The following ZPBP2 variants were observed in gnomAD, a reference collection of about 807,000 sequenced individuals.
ZPBP2 encodes the protein zona pellucida-binding protein 2.
Under a neutral mutation model 37.5 loss-of-function variants are expected in ZPBP2, and 34 were observed. The ratio of observed to expected loss-of-function variants is 0.91; its 90% CI spans 0.69 to 1.21. The LOEUF is 1.21. Ranked by LOEUF, ZPBP2 falls within the 50% of genes most tolerant of loss-of-function variation. The pLI, the probability that ZPBP2 is intolerant of heterozygous loss-of-function variation, is 0.00. For missense variants in ZPBP2, 397 were observed against 413.5 expected (o/e 0.96, Z 0.35); for synonymous variants, 143 against 138.4 (o/e 1.03, Z -0.23).
chr17:39,877,332 C>T lies in ZPBP2; in HGVS notation c.*523C>T, dbSNP rs1169111075. On this transcript the variant is annotated 3_prime_UTR_variant, in exon 8 of 8. Transcript: ENST00000348931. ...AATAGAGCAGATAATATATAGAGTTCCATACACCCACTGCACCCCATACCC... is the reference window on the plus strand; with the variant it reads ...AATAGAGCAGATAATATATAGAGTTTCATACACCCACTGCACCCCATACCC... 1.3e-5 allele frequency: 2 copies of T among 152,314 alleles called. No homozygotes were observed. Among genetic ancestry groups the T allele is most frequent in the African/African-American group, 2.4e-5 (1 of 41,398 alleles). The allele number at this position is 152,314 out of a possible 1,614,324, so 9.4% of individuals were successfully genotyped here. A position where few individuals can be genotyped will look rare whatever the true frequency, so the allele number is the denominator to read the frequency against.
rs1400494917 is a variant in ZPBP2 at position 39,873,107 on chromosome 17, C to T, written c.689C>T (p.Thr230Ile). The T allele has an allele frequency of 6.2e-7, 1 of 1,610,464 alleles. No homozygotes were observed. The highest frequency in any genetic ancestry group is 1.1e-5 in the South Asian group (1 of 90,196). The part of the protein sequence containing the change: ...CNGSVDCEDT[T>I]NHNILQARDR... ...GGATCTGTTGACTGTGAAGATACCA[C>T]TAATCATAATATCCTCCAGGTGAGA... The change falls in exon 6 of 8, where the codon ACT becomes ATT. Residue 230 changes from threonine to isoleucine, a missense_variant. Transcript: ENST00000348931.
In ZPBP2 at chr17:39,875,311, T is replaced by A. The variant is rs138757022; in HGVS notation, c.766T>A (p.Phe256Ile). ...CCAAGCATATATTTTCTACCATAAC[T>A]TTAATAAAACTCTACCAGCAATGCA... ...RSQAYIFYHN[F>I]NKTLPAMHFV... is the part of the protein sequence containing the mutation. Residue 256 changes from phenylalanine (F) to isoleucine (I), a missense_variant, in exon 7 of 8, where the codon TTT becomes ATT. Coordinates refer to ENST00000348931, the MANE Select transcript of ZPBP2 (RefSeq NM_199321.3). 5.3e-5 allele frequency: 86 copies of A among 1,614,046 alleles called. 1 individual carries two copies. In the African/African-American group the frequency reaches 1.1e-3, roughly 20 times the overall value.
intron 7 of ZPBP2, among the ~76,000 whole-genome samples, chr17:39,875,883 C>CTTTTTT (rs34192567): frequency 2.8e-4 from 18 of 63,778 alleles, no homozygotes; most frequent in Non-Finnish European, 4.7e-4. Context: ...TGCTTGGCCC[C>CTTTTTT]TTTTTTTTTT....
chr17:39,868,280 G>C lies in ZPBP2; in HGVS notation c.-75G>C. 1 of 1,537,512 alleles carries C rather than the reference G, an allele frequency of 6.5e-7. No homozygotes were observed. Among genetic ancestry groups the C allele is most frequent in the Non-Finnish European group, 8.9e-7 (1 of 1,129,310 alleles). On this transcript the variant is annotated 5_prime_UTR_variant, in exon 1 of 8. Coordinates refer to ENST00000348931, the MANE Select transcript of ZPBP2 (RefSeq NM_199321.3). ...TCTGCTCCGCACTGTGGAGGAGGTGGGGAGGTGTTGGGCCAGGGCTGAGGT... is the reference window on the plus strand; with the variant it reads ...TCTGCTCCGCACTGTGGAGGAGGTGCGGAGGTGTTGGGCCAGGGCTGAGGT...
rs550561075 is a variant in ZPBP2, at chr17:39,869,553, C to T, written c.118+939C>T. ...CCTAGTGGCTGGGATTACAGGCGTG[C>T]GCCACCACGCCTGGCTAATTTCTGT... On this transcript the variant is annotated intron_variant, in intron 2 of 7. Coordinates refer to ENST00000348931, the MANE Select transcript of ZPBP2 (RefSeq NM_199321.3). 3.0e-4 allele frequency among the ~76,000 whole-genome samples: 45 copies of T among 149,286 alleles called. No individual in the cohort carries two copies. In the South Asian group the frequency reaches 5.7e-3, roughly 19 times the overall value.
At chr17:39,873,981 CTTT>C (rs1037217858) in intron 6 of ZPBP2, among the ~76,000 whole-genome samples, 2 of 117,340 alleles carry the variant, frequency 1.7e-5, no homozygotes, top group Admixed American at 8.7e-5. Context: ...AAAGAAAAGT[CTTT>C]TTTTTTTTTT....
At chr17:39,875,151 T>C (rs1440930416) in intron 6 of ZPBP2, 103 bp from the exon 7 acceptor site, 1 of 1,061,720 alleles carries the variant, frequency 9.4e-7, no homozygotes, top group Admixed American at 2.5e-5. Context: ...TTATCTACGT[T>C]AAGTATGGCA....
Position 39,870,699 on chromosome 17 carries a change from A to G in ZPBP2, c.124A>G (p.Ile42Val). 2 of 1,415,978 alleles carry G rather than the reference A, an allele frequency of 1.4e-6. No individual in the cohort carries two copies. The highest frequency in any genetic ancestry group is 4.4e-5 in the Admixed American group (2 of 45,896). 87.7% of individuals were successfully genotyped at this position (1,415,978 alleles called of 1,614,324 possible). Residue 42 changes from isoleucine to valine, a missense_variant, in exon 3 of 8, where the codon ATA becomes GTA. Ile to Val is a conservative substitution (Grantham distance 29). Coordinates refer to ENST00000348931, the MANE Select transcript of ZPBP2 (RefSeq NM_199321.3). ...ATTATTTTATTTCATCACAGACAAA[A>G]TATATGTAGAGTTACATCAAAATAG... is the stretch of plus-strand genomic sequence containing the variant. ...IYGKTGQPDK[I>V]YVELHQNSPV...
rs2063348622 is a variant in ZPBP2, at chr17:39,868,882, G to A, written c.118+268G>A. 3.3e-5 allele frequency among the ~76,000 whole-genome samples: 5 copies of A among 152,294 alleles called. No homozygotes were observed. In the South Asian group the frequency reaches 1.0e-3, roughly 32 times the overall value. On this transcript the variant is annotated intron_variant, in intron 2 of 7. Transcript: ENST00000348931. ...CTCAGATGCCATCTCACTTCCAGGT[G>A]TCTCTGCTGCTTTGCAACGCGGGAA...
intron 6 of ZPBP2, among the ~76,000 whole-genome samples, chr17:39,873,497 G>A (rs1406627609): frequency 6.6e-6 from 1 of 152,010 alleles, no homozygotes; most frequent in Non-Finnish European, 1.5e-5. Flanking sequence ...TTTAAACTGA[G>A]ATTATGAGAT....
intron 2 of ZPBP2, among the ~76,000 whole-genome samples, chr17:39,869,688 A>T (rs761854770): frequency 1.9e-4 from 27 of 140,734 alleles, no homozygotes; most frequent in Non-Finnish European, 3.2e-4. Context: ...TACAGGCATG[A>T]GCCACAGCAC....
intron 6 of ZPBP2, 113 bp downstream of exon 6, chr17:39,873,239 C>T (rs2063373839): frequency 1.3e-6 from 1 of 798,426 alleles, no homozygotes; most frequent in South Asian, 2.2e-5. Flanking sequence ...GCCTCAAACT[C>T]CTGGGCTCAA....
In ZPBP2 at chr17:39,868,618, ATAAG is replaced by A. The variant is rs1050074678; in HGVS notation, c.118+5_118+8del. 76 of 1,614,060 alleles carry A rather than the reference ATAAG, an allele frequency of 4.7e-5. No individual in the cohort carries two copies. The highest frequency in any genetic ancestry group is 6.1e-5 in the Non-Finnish European group (72 of 1,180,042). On this transcript the variant is annotated splice_donor_5th_base_variant and intron_variant, in intron 2 of 7. Coordinates refer to ENST00000348931, the MANE Select transcript of ZPBP2 (RefSeq NM_199321.3). The stretch of plus-strand genomic sequence containing the variant: ...TATGGCAAGACAGGACAGCCAGGTA[ATAAG>A]GGCCTCTGCACACGCGGGCCCATTG...
Position 39,872,252 on chromosome 17 carries a change from T to G in ZPBP2, c.407-18T>G. 6.4e-7 allele frequency: 1 copy of G among 1,563,504 alleles called. No homozygotes were observed. Among genetic ancestry groups the G allele is most frequent in the Non-Finnish European group, 8.6e-7 (1 of 1,159,648 alleles). On this transcript the variant is annotated intron_variant, in intron 4 of 7. Coordinates refer to ENST00000348931, the MANE Select transcript of ZPBP2 (RefSeq NM_199321.3). ...AGGTACGATTGTTTTCACTCTCATC[T>G]TTCTTTTTTTTTTAAAGCCTATCGG...
intron 7 of ZPBP2, among the ~76,000 whole-genome samples, chr17:39,875,935 T>C (rs12939457): frequency 0.38 from 50,743 of 132,664 alleles, 10,944 homozygotes; most frequent in Non-Finnish European, 0.45. Context: ...CTGGCTCTGT[T>C]ACCCAGGCTG....
chr17:39,873,339 C>T (rs562958793), intron 6 of ZPBP2, among the ~76,000 whole-genome samples: 72 of 152,088 alleles, frequency 4.7e-4, no homozygotes, highest in African/African-American at 1.7e-3. Flanking sequence ...TATATTGAAA[C>T]GTTTCTTTAA....
chr17:39,871,541 A>T lies in ZPBP2; in HGVS notation c.322A>T (p.Thr108Ser). ...DFLEPLSGLY[T>S]CTLSYKTVKA... ...TTTGGAGCCTTTGTCTGGACTTTAC[A>T]CATGTACTCTTTCTTATAAGACTGT... The change falls in exon 4 of 8, where the codon ACA becomes TCA. Residue 108 changes from threonine to serine, a missense_variant. By Grantham distance (58) the Thr-to-Ser change is moderately conservative. Transcript: ENST00000348931. 2 of 1,609,786 alleles carry T rather than the reference A, an allele frequency of 1.2e-6. No homozygotes were observed. Among genetic ancestry groups the T allele is most frequent in the Non-Finnish European group, 1.7e-6 (2 of 1,178,076 alleles).
Position 39,876,940 on chromosome 17 carries a change from A to AAAG in ZPBP2, c.*131_*132insAAG. The AAAG allele has an allele frequency of 8.6e-7, 1 of 1,157,446 alleles. No homozygotes were observed. The highest frequency in any genetic ancestry group is 1.2e-6 in the Non-Finnish European group (1 of 819,376). The allele number at this position is 1,157,446 out of a possible 1,614,324, so 71.7% of individuals were successfully genotyped here. A position where few individuals can be genotyped will look rare whatever the true frequency, so the allele number is the denominator to read the frequency against. On this transcript the variant is annotated 3_prime_UTR_variant, in exon 8 of 8. Transcript: ENST00000348931. ...CCACTGGAAAACATGCATTTTGGAA[A>AAAG]CTTTAAAATAAATGGTTAACATGGC... is the stretch of plus-strand genomic sequence containing the variant.
At chr17:39,875,883 C>CTTTTTTTT (rs34192567) in intron 7 of ZPBP2, among the ~76,000 whole-genome samples, 8 of 63,776 alleles carry the variant, frequency 1.3e-4, no homozygotes, top group Non-Finnish European at 1.7e-4. Flanking sequence ...TGCTTGGCCC[C>CTTTTTTTT]TTTTTTTTTT....
Sources: allele counts gnomAD v4.1 joint callset (sites outside exome capture counted in the v4.1 genomes callset), GRCh38; gene constraint gnomAD v4.1.1; transcripts MANE v1.5; gene names NCBI Gene and HGNC (gene_info 2026-07-23, HGNC 2026-07-21).